Variants in NTAQ1 observed in about 807,000 individuals in gnomAD.
NTAQ1 encodes the protein protein N-terminal glutamine amidohydrolase.
In NTAQ1, 21 loss-of-function variants were observed where a neutral mutation model predicts 28.2. The ratio of observed to expected loss-of-function variants is 0.74; its 90% confidence interval spans 0.53 to 1.07. The LOEUF is 1.07. Ranked by LOEUF, NTAQ1 falls within the 50% of genes least tolerant of loss-of-function variation. The probability of loss-of-function intolerance (pLI) is 0.00; values close to 1 mark genes in which losing one functional copy is unlikely to be tolerated. For missense variants in NTAQ1, 264 were observed against 256.6 expected (o/e 1.03, Z -0.20); for synonymous variants, 105 against 90.0 (o/e 1.17, Z -0.94).
chr8:123,421,518 T>C (rs1586926185), intron 1 of NTAQ1, among the ~76,000 whole-genome samples: 2 of 150,464 alleles, frequency 1.3e-5, no homozygotes, highest in East Asian at 3.9e-4. Context: ...TTTCCTTTTT[T>C]TTTTTTTTGA....
intron 6 of NTAQ1, among the ~76,000 whole-genome samples, chr8:123,459,926 A>T (rs893720469): frequency 6.8e-6 from 1 of 147,664 alleles, no homozygotes; most frequent in African/African-American, 2.5e-5. Context: ...TCAGCCTCCC[A>T]AGTAGCTGGG....
chr8:123,451,098 A>T (rs1815477940), downstream of NTAQ1, among the ~76,000 whole-genome samples: 1 of 152,182 alleles, frequency 6.6e-6, no homozygotes, highest in Non-Finnish European at 1.5e-5. Flanking sequence ...GAGCAGGACA[A>T]GCTCATTCCT....
intron 5 of NTAQ1, among the ~76,000 whole-genome samples, chr8:123,437,702 C>G (rs978926964): frequency 7.3e-6 from 1 of 137,166 alleles, no homozygotes; most frequent in African/African-American, 2.7e-5. Flanking sequence ...GACTCCATCT[C>G]AAAAAAAAAA....
At chr8:123,424,552 G>A (rs1352909353) in intron 1 of NTAQ1, among the ~76,000 whole-genome samples, 1 of 151,018 alleles carries the variant, frequency 6.6e-6, no homozygotes, top group African/African-American at 2.4e-5. Context: ...ATTAATTTTT[G>A]TATTTTTAAT....
intron 6 of NTAQ1, among the ~76,000 whole-genome samples, chr8:123,453,450 CAG>C (rs1815562782): frequency 7.0e-6 from 1 of 143,298 alleles, no homozygotes; most frequent in South Asian, 2.2e-4. Flanking sequence ...TTTTTTGGAA[CAG>C]AGTTTTGCTC....
intron 1 of NTAQ1, among the ~76,000 whole-genome samples, chr8:123,423,947 A>G (rs1054106927): frequency 2.0e-5 from 3 of 150,850 alleles, no homozygotes; most frequent in South Asian, 2.1e-4. Flanking sequence ...CAGTCGTGCA[A>G]TCTTGGCTTA....
chr8:123,465,574 C>CTTTTTTTTTTTTTT (rs71310691), intron 6 of NTAQ1, among the ~76,000 whole-genome samples: 4 of 78,560 alleles, frequency 5.1e-5, no homozygotes, highest in Non-Finnish European at 8.7e-5. Flanking sequence ...AGCATAACAT[C>CTTTTTTTTTTTTTT]TTTTTTTTTT....
downstream of NTAQ1, among the ~76,000 whole-genome samples, chr8:123,444,046 A>C: frequency 8.0e-6 from 1 of 125,596 alleles, no homozygotes. Flanking sequence ...TTTTCTATTT[A>C]AACTTTTTCT....
At position 123,436,571 on chromosome 8, in the gene NTAQ1, C is replaced by G. The variant is rs1765633919; in HGVS notation, c.353C>G (p.Ser118Cys). Reference sequence around the variant, plus strand: ...ACTTATGTAGAAGATGCCTTTAAGTCTGATGATGACATTCACCCACAGTTT... The same window carrying G: ...ACTTATGTAGAAGATGCCTTTAAGTGTGATGATGACATTCACCCACAGTTT... ...FDTYVEDAFKSDDDIHPQFRR... is the reference protein window; with the variant it reads ...FDTYVEDAFKCDDDIHPQFRR... Residue 118 changes from serine to cysteine, a missense_variant, in exon 4 of 6, where the codon TCT becomes TGT. Transcript: ENST00000287387. 1 of 1,613,758 alleles carries G rather than the reference C, an allele frequency of 6.2e-7. No homozygotes were observed. The highest frequency in any genetic ancestry group is 1.3e-5 in the African/African-American group (1 of 74,886).
chr8:123,450,604 A>G (rs1317614188), downstream of NTAQ1, among the ~76,000 whole-genome samples: 1 of 151,792 alleles, frequency 6.6e-6, no homozygotes, highest in African/African-American at 2.4e-5. Flanking sequence ...CAGGGCAAAC[A>G]CTCCTCAGTT....
chr8:123,420,461 T>G (rs1362234009), intron 1 of NTAQ1, among the ~76,000 whole-genome samples: 1 of 152,180 alleles, frequency 6.6e-6, no homozygotes, highest in Non-Finnish European at 1.5e-5. Flanking sequence ...CGCATCATAG[T>G]TCTGTTTCAA....
downstream of NTAQ1, among the ~76,000 whole-genome samples, chr8:123,449,031 T>C (rs13277314): frequency 0.36 from 54,897 of 151,846 alleles, 10,002 homozygotes; most frequent in East Asian, 0.56. Flanking sequence ...CACCCTTACC[T>C]GTACTCTCTT....
intron 1 of NTAQ1, among the ~76,000 whole-genome samples, chr8:123,422,701 A>G (rs1203718660): frequency 6.7e-6 from 1 of 149,924 alleles, no homozygotes; most frequent in Non-Finnish European, 1.5e-5. Flanking sequence ...TGGAGTCTTC[A>G]TCATGAAATC....
intron 6 of NTAQ1, among the ~76,000 whole-genome samples, chr8:123,466,213 GGCA>G (rs1815957720): frequency 6.6e-6 from 1 of 152,118 alleles, no homozygotes; most frequent in Non-Finnish European, 1.5e-5. Flanking sequence ...CCAAGTGAGA[GGCA>G]GCTTTATATA....
downstream of NTAQ1, among the ~76,000 whole-genome samples, chr8:123,472,654 T>A (rs1816052379): frequency 6.6e-6 from 1 of 152,184 alleles, no homozygotes; most frequent in Admixed American, 6.5e-5. Context: ...GGATTTAAGG[T>A]CCACCATAAT....
intron 5 of NTAQ1, among the ~76,000 whole-genome samples, chr8:123,438,905 C>T (rs11989582): frequency 0.01 from 1,569 of 152,194 alleles, 26 homozygotes; most frequent in African/African-American, 0.036. Context: ...GGAGAGGGCT[C>T]GAGGGGTCTG....
At chr8:123,421,255 A>ATTTTTCTTTTCTTTT (rs1305939191) in intron 1 of NTAQ1, among the ~76,000 whole-genome samples, 1 of 151,338 alleles carries the variant, frequency 6.6e-6, no homozygotes, top group African/African-American at 2.4e-5. Flanking sequence ...TAATTTTTAT[A>ATTTTTCTTTTCTTTT]TTTTTTGTAG....
chr8:123,440,087 T>C (rs1364420634), intron 5 of NTAQ1, among the ~76,000 whole-genome samples: 1 of 150,764 alleles, frequency 6.6e-6, no homozygotes, highest in Non-Finnish European at 1.5e-5. Flanking sequence ...GCTCCTACCT[T>C]GGCCTCCCAA....
At chr8:123,439,509 AT>A (rs927535421) in intron 5 of NTAQ1, among the ~76,000 whole-genome samples, 8 of 148,372 alleles carry the variant, frequency 5.4e-5, no homozygotes, top group Admixed American at 1.3e-4. Context: ...CACCCGGCTA[AT>A]TTTTTTTTTG....
Sources: gnomAD v4.1 joint callset for allele counts (sites outside exome capture counted in the v4.1 genomes callset) on GRCh38, gnomAD v4.1.1 for gene constraint, MANE v1.5 for transcripts, NCBI Gene and HGNC (gene_info 2026-07-23, HGNC 2026-07-21) for gene names.